Variants in CELF4 observed in about 807,000 individuals in gnomAD.
CELF4 encodes the protein CUGBP Elav-like family member 4.
A neutral mutation model predicts 59.9 loss-of-function variants in CELF4; 18 were observed. The observed-to-expected ratio is 0.30, with a 90% CI of 0.21 to 0.45. CELF4 has a LOEUF of 0.45. Among genes scored for constraint, CELF4 ranks in the 20% least tolerant of loss-of-function variants. The pLI, the probability that CELF4 is intolerant of heterozygous loss-of-function variation, is 1.00. For missense variants in CELF4, 456 were observed against 689.0 expected, an observed-to-expected ratio of 0.66 and a Z score of 3.79; for synonymous variants, 261 against 267.1, an observed-to-expected ratio of 0.98 and a Z score of 0.22.
rs538216283 is a variant in CELF4 at position 37,326,412 on chromosome 18, C to A, written c.370-4531G>T. On this transcript the variant is annotated intron_variant, in intron 2 of 12. Coordinates refer to ENST00000420428, the MANE Select transcript of CELF4 (RefSeq NM_020180.4). Reference sequence around the variant, plus strand: ...CTCCTCTGTCAGCTACTCCTCTCCACCAGTGCGCTGTCCTCCCCGGAGGGC... The same window carrying A: ...CTCCTCTGTCAGCTACTCCTCTCCAACAGTGCGCTGTCCTCCCCGGAGGGC... Among the ~76,000 whole-genome samples the A allele has an allele frequency of 2.7e-3, 418 of 152,326 alleles. 3 individuals are homozygous for A. Among genetic ancestry groups the A allele is most frequent in the African/African-American group, 9.5e-3 (397 of 41,578 alleles).
chr18:37,434,719 C>T (rs902276681), intron 2 of CELF4, among the ~76,000 whole-genome samples: 2 of 152,104 alleles, frequency 1.3e-5, no homozygotes, highest in Non-Finnish European at 2.9e-5. Context: ...CAGATGCGAT[C>T]AGTAAATACC....
chr18:37,278,655 C>T (rs909045834), intron 3 of CELF4, among the ~76,000 whole-genome samples: 8 of 152,236 alleles, frequency 5.3e-5, no homozygotes, highest in Non-Finnish European at 8.8e-5. Flanking sequence ...TTTCTCCGTG[C>T]AGGAGGAAGA....
intron 1 of CELF4, among the ~76,000 whole-genome samples, chr18:37,488,055 T>A (rs1205466928): frequency 1.3e-5 from 2 of 151,792 alleles, no homozygotes; most frequent in Non-Finnish European, 1.5e-5. Flanking sequence ...AGGTGCACTC[T>A]GTCTTAGGGT....
chr18:37,374,386 C>T (rs2098940734), intron 2 of CELF4, among the ~76,000 whole-genome samples: 1 of 152,190 alleles, frequency 6.6e-6, no homozygotes, highest in Non-Finnish European at 1.5e-5. Context: ...ACATCCGGCT[C>T]CGAACTTCCA....
chr18:37,442,516 A>C (rs1288814418), intron 2 of CELF4, among the ~76,000 whole-genome samples: 1 of 152,172 alleles, frequency 6.6e-6, no homozygotes, highest in Non-Finnish European at 1.5e-5. Context: ...ATAGCTGAGG[A>C]AGGGAAGGTG....
chr18:37,430,310 T>G (rs908734747), intron 2 of CELF4, among the ~76,000 whole-genome samples: 5 of 152,202 alleles, frequency 3.3e-5, no homozygotes, highest in Non-Finnish European at 7.3e-5. Flanking sequence ...ACTTTTCATC[T>G]CAACACGAAG....
At chr18:37,455,218 A>C (rs1382133975) in intron 2 of CELF4, among the ~76,000 whole-genome samples, 1 of 152,208 alleles carries the variant, frequency 6.6e-6, no homozygotes, top group Non-Finnish European at 1.5e-5. Context: ...GAAGTAGAGA[A>C]TTTCTCAGGC....
At chr18:37,274,720 G>A in intron 5 of CELF4, 85 bp downstream of exon 5, 1 of 1,519,800 alleles carries the variant, frequency 6.6e-7, no homozygotes, top group Non-Finnish European at 8.8e-7. Flanking sequence ...CTCTTGGGGA[G>A]ACTGGACAGC....
intron 1 of CELF4, among the ~76,000 whole-genome samples, chr18:37,505,011 C>A (rs1261973938): frequency 6.6e-6 from 1 of 152,244 alleles, no homozygotes; most frequent in African/African-American, 2.4e-5. Flanking sequence ...CAGAGCCCAT[C>A]CTCCTCCAGC....
chr18:37,339,580 C>A (rs988822258), intron 2 of CELF4, among the ~76,000 whole-genome samples: 1 of 152,000 alleles, frequency 6.6e-6, no homozygotes, highest in Non-Finnish European at 1.5e-5. Context: ...ATAGTGAAAC[C>A]CCATCTCTAC....
chr18:37,504,176 C>T (rs752688092), intron 1 of CELF4, among the ~76,000 whole-genome samples: 3 of 152,178 alleles, frequency 2.0e-5, no homozygotes, highest in Non-Finnish European at 4.4e-5. Context: ...TGGCCCCTTC[C>T]ATTCAGATGG....
intron 2 of CELF4, among the ~76,000 whole-genome samples, chr18:37,446,036 C>T (rs1346245550): frequency 1.3e-5 from 2 of 152,170 alleles, no homozygotes; most frequent in Non-Finnish European, 2.9e-5. Flanking sequence ...GGCGAGAGCC[C>T]GGACTTTGAC....
chr18:37,441,778 G>A (rs1261494295), intron 2 of CELF4, among the ~76,000 whole-genome samples: 1 of 152,070 alleles, frequency 6.6e-6, no homozygotes, highest in African/African-American at 2.4e-5. Flanking sequence ...TGTGGCCTGG[G>A]GAGCATTCTA....
chr18:37,367,448 G>T (rs529352716), intron 2 of CELF4, among the ~76,000 whole-genome samples: 2 of 151,920 alleles, frequency 1.3e-5, no homozygotes, highest in Non-Finnish European at 2.9e-5. Context: ...CTGAGCTGGG[G>T]CAGGGGTGGG....
Position 37,339,946 on chromosome 18 carries a change from T to C in CELF4, c.370-18065A>G, listed in dbSNP as rs144390072. Among the ~76,000 whole-genome samples, 552 of 152,252 alleles carry C rather than the reference T, an allele frequency of 3.6e-3. 1 individual carries two copies. Among genetic ancestry groups the C allele is most frequent in the Admixed American group, 4.1e-3 (63 of 15,302 alleles). On this transcript the variant is annotated intron_variant, in intron 2 of 12. Transcript: ENST00000420428. The stretch of plus-strand genomic sequence containing the variant: ...TGGGATTGCCAGTGACTTGGGGTTC[T>C]GTGTGTCCGGCTGTTTCCCCCATAG...
At chr18:37,248,384 C>T (rs1469653022) in intron 12 of CELF4, among the ~76,000 whole-genome samples, 1 of 152,164 alleles carries the variant, frequency 6.6e-6, no homozygotes, top group Admixed American at 6.5e-5. Flanking sequence ...CACATGAAGC[C>T]CTTCGAAGGT....
intron 11 of CELF4, among the ~76,000 whole-genome samples, chr18:37,256,789 T>C (rs1007568883): frequency 1.3e-5 from 2 of 152,144 alleles, no homozygotes; most frequent in Non-Finnish European, 2.9e-5. Flanking sequence ...TTCACCATGT[T>C]GGCCAGGCTG....
chr18:37,297,201 A>T (rs1308867283), intron 3 of CELF4, among the ~76,000 whole-genome samples: 1 of 152,142 alleles, frequency 6.6e-6, no homozygotes, highest in Non-Finnish European at 1.5e-5. Context: ...TCACAGTTAT[A>T]AGCAGATCAC....
At chr18:37,512,118 AGGGC>A (rs1306722026) in intron 1 of CELF4, among the ~76,000 whole-genome samples, 1 of 152,108 alleles carries the variant, frequency 6.6e-6, no homozygotes, top group Non-Finnish European at 1.5e-5. Flanking sequence ...CTGGGCTGGG[AGGGC>A]CAGGGACAGT....
Sources: allele counts gnomAD v4.1 joint callset (sites outside exome capture counted in the v4.1 genomes callset), GRCh38; gene constraint gnomAD v4.1.1; transcripts MANE v1.5; gene names NCBI Gene and HGNC (gene_info 2026-07-23, HGNC 2026-07-21).